GTF2F1: variants seen among roughly 807,000 people sequenced by gnomAD.
GTF2F1 encodes general transcription factor IIF 74 kDa subunit.
In GTF2F1, 39 loss-of-function variants were observed where a neutral mutation model predicts 63.5. The observed-to-expected ratio is 0.61, with a 90% CI of 0.48 to 0.80. The LOEUF is 0.80. Among genes scored for constraint, GTF2F1 ranks in the 30% least tolerant of loss-of-function variants. GTF2F1 has a pLI of 0.00. For synonymous variants in GTF2F1, 287 were observed against 285.3 expected (o/e 1.01, Z -0.06); for missense variants, 657 against 718.3 (o/e 0.91, Z 0.97).
chr19:6,386,926 GGCCCCCAGCC>G, intron 5 of GTF2F1: 1 of 170,706 alleles, frequency 5.9e-6, no homozygotes, highest in Non-Finnish European at 1.3e-5. Context: ...AAGTGCTCTG[GGCCCCCAGCC>G]TCGTCCCCCT....
Position 6,383,169 on chromosome 19 carries a change from TG to T in GTF2F1, c.682+141del. ...TGCCTGCCTCAGCCTCTCAAAGTGC[TG>T]GGATGACAGGCGTGAGCCACTGTGC... is the stretch of plus-strand genomic sequence containing the variant. On this transcript the variant is annotated intron_variant, in intron 6 of 12. Transcript: ENST00000394456. The surrounding 1 kb of genome is among the most constrained non-coding windows in gnomAD (Gnocchi z 4.5). 1.2e-6 allele frequency: 1 copy of T among 838,344 alleles called. No homozygotes were observed. The highest frequency in any genetic ancestry group is 1.9e-6 in the Non-Finnish European group (1 of 529,020). The allele number at this position is 838,344 out of a possible 1,614,324, so 51.9% of individuals were successfully genotyped here.
At chr19:6,384,043 GA>G (rs946289781) in intron 5 of GTF2F1, among the ~76,000 whole-genome samples, 2 of 150,252 alleles carry the variant, frequency 1.3e-5, no homozygotes, top group Non-Finnish European at 3.0e-5. Context: ...CTGACCTCAT[GA>G]TCCACCTTGG....
Position 6,380,875 on chromosome 19 carries a change from T to C in GTF2F1, c.1231+29A>G. 1 of 1,530,712 alleles carries C rather than the reference T, an allele frequency of 6.5e-7. No homozygotes were observed. Among genetic ancestry groups the C allele is most frequent in the Non-Finnish European group, 8.8e-7 (1 of 1,142,592 alleles). The allele number at this position is 1,530,712 out of a possible 1,614,324, so 94.8% of individuals were successfully genotyped here. On this transcript the variant is annotated intron_variant, in intron 11 of 12. Transcript: ENST00000394456. The surrounding 1 kb of genome is among the most constrained non-coding windows in gnomAD (Gnocchi z 5.3). ...GGTCAGGAGGCTGTGGCTGTGGCTG[T>C]GGGGAGCGGGGAGGCCACGGGCACT...
Position 6,381,015 on chromosome 19 carries a change from G to A in GTF2F1, c.1120C>T (p.Arg374Trp), listed in dbSNP as rs766404728. 15 of 1,611,174 alleles carry A rather than the reference G, an allele frequency of 9.3e-6. No individual in the cohort carries two copies. The highest frequency in any genetic ancestry group is 5.0e-5 in the Admixed American group (3 of 59,722). Residue 374 changes from arginine to tryptophan, a missense_variant, in exon 11 of 13, where the codon CGG (arginine) becomes TGG (tryptophan). This residue lies in a region of GTF2F1 where 602 missense variants were observed against 625.6 expected (regional missense o/e 0.96). Coordinates refer to ENST00000394456, the MANE Select transcript of GTF2F1 (RefSeq NM_002096.3). This position sits in a 1 kb window ranked among gnomAD's most constrained non-coding sequence, Gnocchi z 4.1. ...CTTGAGCTCCCTCCCGACGGCTTCC[G>A]CTCTCTCTTGGGTGGCGTCTTCTTC... ...AKKKTPPKRE[R>W]KPSGGSSRGN... is the part of the protein sequence containing the mutation.
At position 6,383,550 on chromosome 19, in the gene GTF2F1, T is replaced by C; in HGVS notation, c.498-55A>G. The C allele has an allele frequency of 6.4e-7, 1 of 1,570,380 alleles. No individual in the cohort carries two copies. The highest frequency in any genetic ancestry group is 8.7e-7 in the Non-Finnish European group (1 of 1,148,302). On this transcript the variant is annotated intron_variant, in intron 5 of 12. Coordinates refer to ENST00000394456, the MANE Select transcript of GTF2F1 (RefSeq NM_002096.3). The surrounding 1 kb of genome is among the most constrained non-coding windows in gnomAD (Gnocchi z 4.5). ...CGGGCCTGGCACCACCCTGCATCTG[T>C]GCTTGCAGGGGGCGAGCCCCAGGGC... is the stretch of plus-strand genomic sequence containing the variant.
At chr19:6,384,234 G>A (rs377382854) in intron 5 of GTF2F1, among the ~76,000 whole-genome samples, 5 of 151,694 alleles carry the variant, frequency 3.3e-5, no homozygotes, top group African/African-American at 9.7e-5. Flanking sequence ...CAGGTTGGGC[G>A]CGGTGGCTCA....
At chr19:6,385,994 T>C (rs943131224) in intron 5 of GTF2F1, among the ~76,000 whole-genome samples, 9 of 152,070 alleles carry the variant, frequency 5.9e-5, no homozygotes, top group Admixed American at 1.3e-4. Flanking sequence ...GAGAATGGCA[T>C]GAACCCGGGA....
chr19:6,388,238 G>A (rs2091981519), intron 4 of GTF2F1, among the ~76,000 whole-genome samples: 1 of 152,110 alleles, frequency 6.6e-6, no homozygotes, highest in Non-Finnish European at 1.5e-5. Context: ...CCATGGCATG[G>A]CCAAATCTGA....
At chr19:6,388,595 G>A (rs2091983085) in intron 4 of GTF2F1, among the ~76,000 whole-genome samples, 1 of 152,286 alleles carries the variant, frequency 6.6e-6, no homozygotes, top group Non-Finnish European at 1.5e-5. Context: ...CCTGCATTGT[G>A]GCACTCAGAG....
At chr19:6,391,440 T>G (rs956103956) in intron 3 of GTF2F1, among the ~76,000 whole-genome samples, 1 of 43,014 alleles carries the variant, frequency 2.3e-5, no homozygotes, top group Non-Finnish European at 3.8e-5. Context: ...GCCATTTCCG[T>G]TTTTTTTTTT....
rs376020220 is a variant in GTF2F1, at chr19:6,392,975, C to T, written c.12+9G>A. 3 of 1,613,988 alleles carry T rather than the reference C, an allele frequency of 1.9e-6. No individual in the cohort carries two copies. Among genetic ancestry groups the T allele is most frequent in the African/African-American group, 2.7e-5 (2 of 74,920 alleles). ...CGGAACCCCCGAACCCCGCCAAATC[C>T]ACACTCACTAGGGCCGCCATGGGCA... is the stretch of plus-strand genomic sequence containing the variant. On this transcript the variant is annotated intron_variant, in intron 1 of 12. Transcript: ENST00000394456.
chr19:6,380,156 G>T lies in GTF2F1; in HGVS notation c.*125C>A. On this transcript the variant is annotated 3_prime_UTR_variant, in exon 13 of 13. Coordinates refer to ENST00000394456, the MANE Select transcript of GTF2F1 (RefSeq NM_002096.3). This position sits in a 1 kb window ranked among gnomAD's most constrained non-coding sequence, Gnocchi z 5.3. ...TCAGGGAGCAAGCAGGATGTCGAAGGGTCACTGAGAGCCTGAAGTTCTGGA... is the reference window on the plus strand; with the variant it reads ...TCAGGGAGCAAGCAGGATGTCGAAGTGTCACTGAGAGCCTGAAGTTCTGGA... 1.2e-6 allele frequency: 1 copy of T among 845,414 alleles called. No individual in the cohort carries two copies. The highest frequency in any genetic ancestry group is 2.0e-6 in the Non-Finnish European group (1 of 494,444). 52.4% of individuals were successfully genotyped at this position (845,414 alleles called of 1,614,324 possible). A position where few individuals can be genotyped will look rare whatever the true frequency, so the allele number is the denominator to read the frequency against.
chr19:6,382,971 G>A (rs1456469022), intron 6 of GTF2F1, among the ~76,000 whole-genome samples: 3 of 151,944 alleles, frequency 2.0e-5, no homozygotes, highest in African/African-American at 7.2e-5. Flanking sequence ...GCGTGATCTC[G>A]GCTCAACACA....
chr19:6,382,515 C>T (rs1346938256), intron 6 of GTF2F1, among the ~76,000 whole-genome samples: 2 of 151,854 alleles, frequency 1.3e-5, no homozygotes, highest in African/African-American at 4.8e-5. Context: ...CCTGTAGTCC[C>T]AGCTACTTGG....
rs2091938798 is a variant in GTF2F1 at position 6,379,703 on chromosome 19, C to G, written c.*578G>C. 6.4e-6 allele frequency: 1 copy of G among 156,366 alleles called. No homozygotes were observed. The highest frequency in any genetic ancestry group is 1.9e-4 in the East Asian group (1 of 5,328). 9.7% of individuals were successfully genotyped at this position (156,366 alleles called of 1,614,324 possible). A position where few individuals can be genotyped will look rare whatever the true frequency, so the allele number is the denominator to read the frequency against. ...GAATCTCGTGCCTCAGCCTACGGAA[C>G]AGCTGGGACAACAGGCTCCCGCCAC... is the stretch of plus-strand genomic sequence containing the variant. On this transcript the variant is annotated 3_prime_UTR_variant, in exon 13 of 13. Coordinates refer to ENST00000394456, the MANE Select transcript of GTF2F1 (RefSeq NM_002096.3).
At position 6,381,404 on chromosome 19, in the gene GTF2F1, CCTCCTCCTCCTT is replaced by C; in HGVS notation, c.961_972del (p.Lys321_Glu324del). ...TGCGGGGTGGGTGCCTTCTTCTCCT[CCTCCTCCTCCTT>C]GTCCTCCTCAGGCGGCTTCTCCTCC... On this transcript the variant is annotated inframe_deletion, in exon 9 of 13. Transcript: ENST00000394456. The surrounding 1 kb of genome is among the most constrained non-coding windows in gnomAD (Gnocchi z 4.1). The C allele has an allele frequency of 6.2e-7, 1 of 1,610,742 alleles. No homozygotes were observed. Among genetic ancestry groups the C allele is most frequent in the Admixed American group, 1.7e-5 (1 of 59,896 alleles).
chr19:6,381,779 CCTTCTT>C lies in GTF2F1; in HGVS notation c.748_753del (p.Lys250_Lys251del). ...TCCTCGAAGGCCTCGTCGTCTGAAC[CCTTCTT>C]CTTCTTCTTTTTCCTGCCGCCCTTG... On this transcript the variant is annotated inframe_deletion, in exon 7 of 13. Transcript: ENST00000394456. The surrounding 1 kb of genome is among the most constrained non-coding windows in gnomAD (Gnocchi z 4.1). 2 of 1,613,708 alleles carry C rather than the reference CCTTCTT, an allele frequency of 1.2e-6. No homozygotes were observed. Among genetic ancestry groups the C allele is most frequent in the Non-Finnish European group, 1.7e-6 (2 of 1,179,662 alleles).
At chr19:6,386,549 A>G (rs1012022344) in intron 5 of GTF2F1, among the ~76,000 whole-genome samples, 3 of 151,806 alleles carry the variant, frequency 2.0e-5, no homozygotes, top group Admixed American at 6.6e-5. Context: ...AGTTCACGCC[A>G]TTCTCCTGCC....
rs376967252 is a variant in GTF2F1 at position 6,381,625 on chromosome 19, G to A, written c.837-10C>T. On this transcript the variant is annotated splice_polypyrimidine_tract_variant and intron_variant, in intron 7 of 12. Coordinates refer to ENST00000394456, the MANE Select transcript of GTF2F1 (RefSeq NM_002096.3). The surrounding 1 kb of genome is among the most constrained non-coding windows in gnomAD (Gnocchi z 4.1). ...CTCTTCTTGGGAGCTACTGTAAGAC[G>A]GGGATGGCAAAGGATGAGCGCGCGC... 44 of 1,613,846 alleles carry A rather than the reference G, an allele frequency of 2.7e-5. No homozygotes were observed. In the Middle Eastern group the frequency reaches 4.9e-4, roughly 18 times the overall value.
Sources: allele counts gnomAD v4.1 joint callset (sites outside exome capture counted in the v4.1 genomes callset), GRCh38; gene constraint gnomAD v4.1.1; regional missense constraint gnomAD v4.1.1; non-coding constraint Gnocchi (gnomAD v3.1); transcripts MANE v1.5; gene names NCBI Gene and HGNC (gene_info 2026-07-23, HGNC 2026-07-21).